FAT3: variants seen among roughly 807,000 people sequenced by gnomAD.
The protein encoded by FAT3 is FAT atypical cadherin 3.
Under a neutral mutation model 310.2 loss-of-function variants are expected in FAT3, and 95 were observed. The observed-to-expected ratio is 0.31, with a 90% CI of 0.26 to 0.36. FAT3 has a LOEUF of 0.36. Ranked by LOEUF, FAT3 falls within the 10% of genes least tolerant of loss-of-function variation. FAT3 has a pLI of 1.00. For synonymous variants in FAT3, 2,314 were observed against 2,192.9 expected, an observed-to-expected ratio of 1.06 and a Z score of -1.54; for missense variants, 5,408 against 5,715.6, an observed-to-expected ratio of 0.95 and a Z score of 1.74.
chr11:92,497,387 G>A (rs967047844), intron 2 of FAT3, among the ~76,000 whole-genome samples: 2 of 152,032 alleles, frequency 1.3e-5, no homozygotes, highest in Non-Finnish European at 2.9e-5. Context: ...AGAGCTCTTG[G>A]TTGGAAAAAA....
At chr11:92,752,124 T>G (rs1049905698) in intron 4 of FAT3, among the ~76,000 whole-genome samples, 2 of 152,222 alleles carry the variant, frequency 1.3e-5, no homozygotes, top group African/African-American at 4.8e-5. Context: ...CCATACAGTC[T>G]CAGCCTCAAC....
intron 19 of FAT3, among the ~76,000 whole-genome samples, chr11:92,845,440 G>A (rs1339620107): frequency 1.3e-5 from 2 of 152,202 alleles, no homozygotes; most frequent in Non-Finnish European, 1.5e-5. Context: ...TTGCTTCAGT[G>A]AGAAACAGAG....
At position 92,867,204 on chromosome 11, in the gene FAT3, C is replaced by T. The variant is rs771010983; in HGVS notation, c.12122C>T (p.Ser4041Leu). 4.5e-6 allele frequency: 7 copies of T among 1,569,630 alleles called. No homozygotes were observed. The highest frequency in any genetic ancestry group is 2.3e-5 in the East Asian group (1 of 43,366). The change falls in exon 22 of 28, where the codon TCG (serine) becomes TTG (leucine). Residue 4041 changes from serine to leucine, a missense_variant. Physicochemically the swap from Ser to Leu is moderately radical, Grantham distance 145 (BLOSUM62 -2). Coordinates refer to ENST00000525166, the MANE Select transcript of FAT3 (RefSeq NM_001367949.2). ...QHGGSCTGLP[S>L]GGYQCTCLSQ... ...GGGGGCAGCTGCACTGGCCTGCCAT[C>T]GGGGGGTGAGTGTGGCTACGCAGTG...
chr11:92,239,366 C>T (rs533127930), intron 1 of FAT3, among the ~76,000 whole-genome samples: 1 of 152,158 alleles, frequency 6.6e-6, no homozygotes, highest in East Asian at 1.9e-4. Flanking sequence ...ACGTGCATGG[C>T]AAATATGGTT....
At chr11:92,726,550 A>C (rs1418243640) in intron 4 of FAT3, among the ~76,000 whole-genome samples, 1 of 152,264 alleles carries the variant, frequency 6.6e-6, no homozygotes, top group South Asian at 2.1e-4. Flanking sequence ...TTTAAATGAC[A>C]TTCAGAAGAT....
At chr11:92,341,620 T>C (rs1948264077) in intron 1 of FAT3, among the ~76,000 whole-genome samples, 1 of 152,190 alleles carries the variant, frequency 6.6e-6, no homozygotes, top group South Asian at 2.1e-4. Flanking sequence ...CAAGCTCTTT[T>C]AAATCCTTGG....
intron 1 of FAT3, among the ~76,000 whole-genome samples, chr11:92,245,163 A>T (rs1176397467): frequency 6.6e-6 from 1 of 152,044 alleles, no homozygotes; most frequent in Non-Finnish European, 1.5e-5. Context: ...TGCAGCCATA[A>T]AAAAAGGATG....
At position 92,865,862 on chromosome 11, in the gene FAT3, C is replaced by T. The variant is rs538232651; in HGVS notation, c.11659-879C>T. Among the ~76,000 whole-genome samples, 51 of 152,328 alleles carry T rather than the reference C, an allele frequency of 3.3e-4. 2 individuals carry two copies. The South Asian group carries it at 6.4e-3, about 19-fold the overall frequency. ...GTGATGTCTCCTGGGATTAGCCTCC[C>T]GGGCGCAGTGATGCCCTTGCTACAC... On this transcript the variant is annotated intron_variant, in intron 21 of 27. Transcript: ENST00000525166.
chr11:92,755,751 C>T (rs1945975224), intron 4 of FAT3, among the ~76,000 whole-genome samples: 1 of 152,160 alleles, frequency 6.6e-6, no homozygotes, highest in Non-Finnish European at 1.5e-5. Context: ...CACTGAGTTC[C>T]TCTTACCAAA....
At chr11:92,301,691 T>G (rs1475352281) in intron 1 of FAT3, among the ~76,000 whole-genome samples, 1 of 152,090 alleles carries the variant, frequency 6.6e-6, no homozygotes, top group Non-Finnish European at 1.5e-5. Flanking sequence ...GTTCCTTTAT[T>G]CTGAGTGAGC....
At chr11:92,420,590 G>C (rs144184120) in intron 2 of FAT3, among the ~76,000 whole-genome samples, 2 of 152,068 alleles carry the variant, frequency 1.3e-5, no homozygotes, top group East Asian at 1.9e-4. Context: ...CTCCTTGATG[G>C]GGGGGTTAAG....
intron 1 of FAT3, among the ~76,000 whole-genome samples, chr11:92,351,525 T>C (rs1014114192): frequency 6.6e-6 from 1 of 152,170 alleles, no homozygotes. Context: ...TTTGATGACC[T>C]TTTTTCCTTA....
chr11:92,506,816 T>G (rs888130303), intron 2 of FAT3, among the ~76,000 whole-genome samples: 1 of 152,212 alleles, frequency 6.6e-6, no homozygotes, highest in Non-Finnish European at 1.5e-5. Context: ...TTGACCTGTA[T>G]TGGTATTTAC....
chr11:92,549,684 G>A (rs1339052104), intron 3 of FAT3, among the ~76,000 whole-genome samples: 1 of 152,076 alleles, frequency 6.6e-6, no homozygotes, highest in East Asian at 1.9e-4. Context: ...ATTATATAAT[G>A]TGGCATTATA....
At position 92,355,230 on chromosome 11, in the gene FAT3, A is replaced by C. The variant is rs1782962935; in HGVS notation, c.3118A>C (p.Thr1040Pro). The C allele has an allele frequency of 6.2e-7, 1 of 1,613,614 alleles. No homozygotes were observed. Among genetic ancestry groups the C allele is most frequent in the African/African-American group, 1.3e-5 (1 of 74,940 alleles). ...GGTGGATGTCAATGAAAACCTCCAC[A>C]CTCCCTATTTCCCAGACTTTGCTGT... Reference protein sequence around the residue: ...EVVDVNENLHTPYFPDFAVVG... With the variant: ...EVVDVNENLHPPYFPDFAVVG... Residue 1040 changes from threonine to proline, a missense_variant, in exon 2 of 28, where the codon ACT (threonine) becomes CCT (proline). By Grantham distance (38) the Thr-to-Pro change is conservative. Coordinates refer to ENST00000525166, the MANE Select transcript of FAT3 (RefSeq NM_001367949.2).
At chr11:92,283,488 A>G (rs974200403) in intron 1 of FAT3, among the ~76,000 whole-genome samples, 5 of 152,074 alleles carry the variant, frequency 3.3e-5, no homozygotes, top group African/African-American at 1.2e-4. Context: ...ATTAGTTTTC[A>G]TGGTTTGGGT....
chr11:92,880,974 C>G, intron 23 of FAT3, 90 bp downstream of exon 23: 2 of 1,399,748 alleles, frequency 1.4e-6, no homozygotes, highest in Non-Finnish European at 2.0e-6. Flanking sequence ...AAATATTTAC[C>G]ACTAATAGTA....
rs1418918561 is a variant in FAT3, at chr11:92,799,104, A to G, written c.6091A>G (p.Thr2031Ala). The G allele has an allele frequency of 1.9e-6, 3 of 1,613,966 alleles. No homozygotes were observed. In the South Asian group the frequency reaches 3.3e-5, roughly 18 times the overall value. Residue 2031 changes from threonine to alanine, a missense_variant, in exon 10 of 28, where the codon ACC (threonine) becomes GCC (alanine). Physicochemically the swap from Thr to Ala is moderately conservative, Grantham distance 58. Transcript: ENST00000525166. Reference protein sequence around the residue: ...NPGNKFKIKSTSGVIQTTGVP... With the variant: ...NPGNKFKIKSASGVIQTTGVP... Reference sequence around the variant, plus strand: ...AGGAAATAAGTTCAAGATAAAATCTACCTCAGGGGTCATTCAGACGACTGG... The same window carrying G: ...AGGAAATAAGTTCAAGATAAAATCTGCCTCAGGGGTCATTCAGACGACTGG...
At chr11:92,325,428 T>G (rs1330566112) in intron 1 of FAT3, among the ~76,000 whole-genome samples, 1 of 152,186 alleles carries the variant, frequency 6.6e-6, no homozygotes, top group Non-Finnish European at 1.5e-5. Flanking sequence ...TGTTGTTGTT[T>G]GTTTTTTGTT....
Sources: gnomAD v4.1 joint callset for allele counts (sites outside exome capture counted in the v4.1 genomes callset) on GRCh38, gnomAD v4.1.1 for gene constraint, MANE v1.5 for transcripts, NCBI Gene and HGNC (gene_info 2026-07-23, HGNC 2026-07-21) for gene names.